Variants in MTMR8 observed in about 807,000 individuals in gnomAD.
MTMR8 encodes the protein phosphatidylinositol-3,5-bisphosphate 3-phosphatase MTMR8.
MTMR8 carries 65 observed loss-of-function variants against 39.3 expected under a neutral mutation model. The observed-to-expected ratio is 1.65, with a 90% CI of 1.35 to 2.03. The LOEUF is 2.03. MTMR8 is among the 30% of genes most tolerant of loss of function. The probability of loss-of-function intolerance (pLI) is 0.00; values close to 1 mark genes in which losing one functional copy is unlikely to be tolerated. For synonymous variants in MTMR8, 245 were observed against 185.2 expected (o/e 1.32, Z -2.62); for missense variants, 777 against 538.9 (o/e 1.44, Z -4.37).
At chrX:64,342,093 G>A (rs868366253) in intron 8 of MTMR8, among the ~76,000 whole-genome samples, 13 of 112,064 alleles carry the variant, frequency 1.2e-4, no homozygotes, top group Admixed American at 4.7e-4. Context: ...ACCAATGGAG[G>A]ATTTTGAGTT....
intron 12 of MTMR8, among the ~76,000 whole-genome samples, chrX:64,304,860 T>TTATATATATATA (rs751399962): frequency 2.4e-4 from 7 of 28,582 alleles, no homozygotes; most frequent in Non-Finnish European, 4.4e-4. Context: ...GATCAAACAT[T>TTATATATATATA]TATATATATA....
Position 64,369,739 on chromosome X carries a change from T to G in MTMR8, c.25-10212A>C, listed in dbSNP as rs781689896. 2.7e-5 allele frequency among the ~76,000 whole-genome samples: 3 copies of G among 111,320 alleles called. No individual in the cohort carries two copies. The East Asian group carries it at 8.5e-4, about 32-fold the overall frequency. On this transcript the variant is annotated intron_variant, in intron 1 of 13. Transcript: ENST00000374852. ...GTAACAAACCTGCACATTGTCCACA[T>G]GTACCCTAGAACTTAAAGTATAATT...
intron 12 of MTMR8, among the ~76,000 whole-genome samples, chrX:64,294,149 A>T (rs1000277581): frequency 2.8e-4 from 31 of 112,076 alleles, no homozygotes; most frequent in African/African-American, 1.0e-3. Flanking sequence ...TAATAAATGG[A>T]AGCTAACTAT....
intron 1 of MTMR8, among the ~76,000 whole-genome samples, chrX:64,371,932 C>T (rs1419424799): frequency 2.8e-5 from 3 of 108,816 alleles, no homozygotes; most frequent in Non-Finnish European, 5.7e-5. Flanking sequence ...AAAAATTTTT[C>T]CAGAACTGTA....
intron 12 of MTMR8, among the ~76,000 whole-genome samples, chrX:64,271,812 G>A (rs756498517): frequency 3.6e-4 from 40 of 112,169 alleles, no homozygotes; most frequent in Middle Eastern, 4.6e-3. Flanking sequence ...GTTTCAACTA[G>A]CATGTAGGCA....
At chrX:64,344,593 C>G (rs947453187) in intron 7 of MTMR8, among the ~76,000 whole-genome samples, 1 of 111,489 alleles carries the variant, frequency 9.0e-6, no homozygotes, top group Non-Finnish European at 1.9e-5. Context: ...CCAAAACTGT[C>G]TGATATCAAC....
At chrX:64,358,650 T>C (rs958192622) in intron 2 of MTMR8, among the ~76,000 whole-genome samples, 2 of 111,412 alleles carry the variant, frequency 1.8e-5, no homozygotes, top group African/African-American at 6.5e-5. Flanking sequence ...ATCACTAAGC[T>C]ATGCGGTATA....
intron 10 of MTMR8, among the ~76,000 whole-genome samples, chrX:64,332,634 C>T (rs1405093253): frequency 1.8e-5 from 2 of 111,781 alleles, no homozygotes; most frequent in African/African-American, 3.3e-5. Context: ...CTTCTCCTTC[C>T]ACAATGCTGT....
intron 12 of MTMR8, among the ~76,000 whole-genome samples, chrX:64,273,019 C>A (rs1003943411): frequency 9.0e-6 from 1 of 111,053 alleles, no homozygotes; most frequent in African/African-American, 3.3e-5. Flanking sequence ...AACAGACCTG[C>A]CTTACAGGAA....
chrX:64,290,512 C>A (rs1301002525), intron 12 of MTMR8, among the ~76,000 whole-genome samples: 2 of 110,737 alleles, frequency 1.8e-5, no homozygotes, highest in Non-Finnish European at 3.8e-5. Flanking sequence ...AACTGCAGTA[C>A]AATATCACAA....
intron 1 of MTMR8, among the ~76,000 whole-genome samples, chrX:64,381,771 A>G (rs1356171361): frequency 9.0e-6 from 1 of 111,193 alleles, no homozygotes; most frequent in African/African-American, 3.3e-5. Context: ...ATCTTGAATT[A>G]ATTTTTGTAT....
chrX:64,318,708 G>GTT (rs1209006743), intron 12 of MTMR8, among the ~76,000 whole-genome samples: 2,055 of 82,309 alleles, frequency 0.025, 96 homozygotes, highest in African/African-American at 0.081. Context: ...TTGGTTTTTT[G>GTT]TTTTTTTTTT....
intron 1 of MTMR8, among the ~76,000 whole-genome samples, chrX:64,361,769 C>T (rs933083503): frequency 1.4e-4 from 16 of 110,977 alleles, no homozygotes; most frequent in Non-Finnish European, 1.5e-4. Flanking sequence ...ATCATGAACA[C>T]GACAAACTTG....
At chrX:64,322,803 G>A (rs896757357) in intron 12 of MTMR8, among the ~76,000 whole-genome samples, 2 of 112,680 alleles carry the variant, frequency 1.8e-5, no homozygotes, top group African/African-American at 3.2e-5. Context: ...CCTAGGAAGG[G>A]CTCTGTCTTG....
chrX:64,317,378 GTTTA>G (rs1389255120), intron 12 of MTMR8, among the ~76,000 whole-genome samples: 3 of 111,072 alleles, frequency 2.7e-5, no homozygotes, highest in Admixed American at 9.6e-5. Flanking sequence ...CTGTGACTCT[GTTTA>G]TTTATTTTTT....
chrX:64,292,376 A>G (rs773962172), intron 12 of MTMR8, among the ~76,000 whole-genome samples: 2 of 111,633 alleles, frequency 1.8e-5, no homozygotes, highest in Admixed American at 1.9e-4. Context: ...GGAAGTGGCT[A>G]TCCTACTCAA....
intron 1 of MTMR8, among the ~76,000 whole-genome samples, chrX:64,364,931 C>T (rs971492176): frequency 9.0e-6 from 1 of 111,466 alleles, no homozygotes; most frequent in Non-Finnish European, 1.9e-5. Flanking sequence ...CCCGATGGAG[C>T]TGAAAACCAT....
intron 12 of MTMR8, among the ~76,000 whole-genome samples, chrX:64,293,113 C>T (rs186777626): frequency 1.2e-4 from 13 of 111,264 alleles, no homozygotes; most frequent in South Asian, 3.9e-4. Flanking sequence ...GATGACTTGG[C>T]AAGTCCAGAG....
In MTMR8 at chrX:64,278,459, G is replaced by GTTTTTTTTTTTTTTTTTTTTTTTTTT. The variant is rs1931928205; in HGVS notation, c.1482-7387_1482-7386insAAAAAAAAAAAAAAAAAAAAAAAAAA. 8.0e-5 allele frequency among the ~76,000 whole-genome samples: 4 copies of GTTTTTTTTTTTTTTTTTTTTTTTTTT among 49,868 alleles called. 1 individual carries two copies. Among genetic ancestry groups the GTTTTTTTTTTTTTTTTTTTTTTTTTT allele is most frequent in the African/African-American group, 4.6e-4 (4 of 8,741 alleles). The allele number at this position is 49,868 out of a possible 115,157, so 43.3% of individuals were successfully genotyped here. On this transcript the variant is annotated intron_variant, in intron 12 of 13. Transcript: ENST00000374852. ...TGATGTTGATGCTATTTATTTTGCT[G>GTTTTTTTTTTTTTTTTTTTTTTTTTT]GTTTTTTTTTTTTTTTTTTTTTTTT...
Sources: gnomAD v4.1 joint callset for allele counts (sites outside exome capture counted in the v4.1 genomes callset) on GRCh38, gnomAD v4.1.1 for gene constraint, MANE v1.5 for transcripts, NCBI Gene and HGNC (gene_info 2026-07-23, HGNC 2026-07-21) for gene names.